SRD5A2: variants seen among roughly 807,000 people sequenced by gnomAD.
SRD5A2 encodes the protein 3-oxo-5-alpha-steroid 4-dehydrogenase 2.
SRD5A2 carries 30 observed loss-of-function variants against 27.4 expected under a neutral mutation model. The observed-to-expected ratio is 1.10, with a 90% confidence interval of 0.82 to 1.49. The LOEUF is 1.49. SRD5A2 is among the 40% of genes most tolerant of loss of function. SRD5A2 has a pLI of 0.00. For missense variants in SRD5A2, 348 were observed against 323.4 expected (o/e 1.08, Z -0.58); for synonymous variants, 141 against 133.6 (o/e 1.06, Z -0.38).
the SRD5A2 span, among the ~76,000 whole-genome samples, chr2:31,636,618 A>G: frequency 3.0e-3 from 453 of 152,158 alleles, 1 homozygote; most frequent in Non-Finnish European, 5.1e-3. Context: ...TGGGTTTGTC[A>G]TATGTGGCCT....
chr2:31,655,365 T>G, the SRD5A2 span, among the ~76,000 whole-genome samples: 3 of 152,230 alleles, frequency 2.0e-5, no homozygotes, highest in Non-Finnish European at 1.5e-5. Flanking sequence ...CCTCCCAAAG[T>G]GCTGGGACTA....
rs189152509 is a variant in SRD5A2 at position 31,524,258 on chromosome 2, C to T, written c.*1938G>A. On this transcript the variant is annotated 3_prime_UTR_variant, in exon 5 of 5. Transcript: ENST00000622030. ...TTATGTCACAGAGCTCAAGCTACAC[C>T]TGAAGATTTACTTCACCAAGTGTGT... 5 of 227,378 alleles carry T rather than the reference C, an allele frequency of 2.2e-5. No individual in the cohort carries two copies. Among genetic ancestry groups the T allele is most frequent in the African/African-American group, 4.4e-5 (2 of 45,148 alleles). 14.1% of individuals were successfully genotyped at this position (227,378 alleles called of 1,614,324 possible).
At chr2:31,566,962 C>G (rs1373733564) in intron 1 of SRD5A2, among the ~76,000 whole-genome samples, 2 of 152,170 alleles carry the variant, frequency 1.3e-5, no homozygotes, top group Admixed American at 6.5e-5. Flanking sequence ...TACATGTCAA[C>G]ATGGATTAAA....
the SRD5A2 span, among the ~76,000 whole-genome samples, chr2:31,639,935 C>T: frequency 6.6e-6 from 1 of 151,800 alleles, no homozygotes; most frequent in African/African-American, 2.4e-5. Context: ...GCTTTCTTCC[C>T]CTTGCTCTTG....
the SRD5A2 span, among the ~76,000 whole-genome samples, chr2:31,662,307 G>A: frequency 6.6e-6 from 1 of 151,926 alleles, no homozygotes; most frequent in African/African-American, 2.4e-5. Context: ...TTTGCAGGTT[G>A]TTTTGTGTGT....
At chr2:31,581,196 C>T (rs1024693664), upstream of SRD5A2, 32 of 445,108 alleles carry the variant, frequency 7.2e-5, no homozygotes, top group Admixed American at 2.4e-4. Flanking sequence ...ACTTGTTCCT[C>T]AACTATTAGC....
the SRD5A2 span, among the ~76,000 whole-genome samples, chr2:31,648,288 G>C: frequency 1.2e-4 from 19 of 152,220 alleles, no homozygotes; most frequent in Non-Finnish European, 2.4e-4. Context: ...ACTTTACTTT[G>C]TGGTTTAGTG....
chr2:31,531,415 C>A lies in SRD5A2; in HGVS notation c.503G>T (p.Arg168Leu), dbSNP rs370316987. 5 of 1,599,020 alleles carry A rather than the reference C, an allele frequency of 3.1e-6. No homozygotes were observed. The African/African-American group carries it at 5.4e-5, about 17-fold the overall frequency. The change falls in exon 3 of 5, where the codon CGC becomes CTC. Residue 168 changes from arginine (R) to leucine (L), a missense_variant. By Grantham distance (102) the Arg-to-Leu change is moderately radical. Transcript: ENST00000622030. ...GATTTCTCCAGGCTTCCTGAGCTGG[C>A]GCAATATATAGTCACTATGAATGTT... ...GINIHSDYIL[R>L]QLRKPGEISY... is the part of the protein sequence containing the mutation.
the SRD5A2 span, among the ~76,000 whole-genome samples, chr2:31,660,246 G>C: frequency 6.6e-6 from 1 of 152,016 alleles, no homozygotes; most frequent in Non-Finnish European, 1.5e-5. Flanking sequence ...TCAGGAGCTT[G>C]ACAATATATC....
At chr2:31,531,994 G>C (rs533277537) in intron 2 of SRD5A2, among the ~76,000 whole-genome samples, 31 of 152,258 alleles carry the variant, frequency 2.0e-4, no homozygotes, top group African/African-American at 6.7e-4. Context: ...TCTGATAAAA[G>C]GTGCAGGCAA....
the SRD5A2 span, among the ~76,000 whole-genome samples, chr2:31,644,108 T>A: frequency 6.6e-6 from 1 of 152,196 alleles, no homozygotes; most frequent in African/African-American, 2.4e-5. Flanking sequence ...AATGTTGGGA[T>A]AAGCATACTG....
rs1449524865 is a variant in SRD5A2, at chr2:31,529,242, G to C, written c.698+65C>G. 3 of 1,594,922 alleles carry C rather than the reference G, an allele frequency of 1.9e-6. No individual in the cohort carries two copies. In the African/African-American group the frequency reaches 4.1e-5, roughly 22 times the overall value. On this transcript the variant is annotated intron_variant, in intron 4 of 4. Transcript: ENST00000622030. The stretch of plus-strand genomic sequence containing the variant: ...TCGGTTTCTCAATCTTCCTCTGCGG[G>C]TTAAAAGCCTGTTTGGAGAAGAAGA...
the SRD5A2 span, among the ~76,000 whole-genome samples, chr2:31,616,543 G>A: frequency 6.6e-6 from 1 of 152,198 alleles, no homozygotes; most frequent in African/African-American, 2.4e-5. Context: ...TTTAAGATAT[G>A]ACTGCCCCAC....
At chr2:31,609,246 TC>T in the SRD5A2 span, among the ~76,000 whole-genome samples, 2 of 151,938 alleles carry the variant, frequency 1.3e-5, no homozygotes, top group Non-Finnish European at 2.9e-5. Context: ...TTCACTTCAA[TC>T]CCTGTCAGAA....
intron 1 of SRD5A2, among the ~76,000 whole-genome samples, chr2:31,552,187 GACT>G (rs1355141650): frequency 6.7e-6 from 1 of 149,540 alleles, no homozygotes; most frequent in East Asian, 1.9e-4. Context: ...ACCTTTGTGA[GACT>G]ACTTTTATGA....
At chr2:31,646,180 C>T in the SRD5A2 span, among the ~76,000 whole-genome samples, 10 of 151,576 alleles carry the variant, frequency 6.6e-5, no homozygotes, top group East Asian at 3.8e-4. Context: ...CACACACACA[C>T]GCACACACAC....
chr2:31,586,047 A>T, the SRD5A2 span, among the ~76,000 whole-genome samples: 3 of 151,704 alleles, frequency 2.0e-5, no homozygotes, highest in East Asian at 5.8e-4. Context: ...ATTATTATTT[A>T]TTATTATTAT....
At position 31,543,099 on chromosome 2, in the gene SRD5A2, T is replaced by C. The variant is rs150066895; in HGVS notation, c.282-9333A>G. 9.8e-5 allele frequency among the ~76,000 whole-genome samples: 15 copies of C among 152,326 alleles called. No individual in the cohort carries two copies. The East Asian group carries it at 2.9e-3, about 29-fold the overall frequency. On this transcript the variant is annotated intron_variant, in intron 1 of 4. Transcript: ENST00000622030. ...ACCAAGCATCTGCAATAAGATTATC[T>C]ACAAATTTCTCATCAGAAATTTTAG...
intron 1 of SRD5A2, among the ~76,000 whole-genome samples, chr2:31,544,854 A>G (rs1043189426): frequency 6.6e-6 from 1 of 151,892 alleles, no homozygotes; most frequent in African/African-American, 2.4e-5. Flanking sequence ...TAAAATCATA[A>G]ATAAAAGTGG....
Sources: allele counts gnomAD v4.1 joint callset (sites outside exome capture counted in the v4.1 genomes callset), GRCh38; gene constraint gnomAD v4.1.1; transcripts MANE v1.5; gene names NCBI Gene and HGNC (gene_info 2026-07-23, HGNC 2026-07-21).